RBFOX1: variants seen among roughly 807,000 people sequenced by gnomAD.
RBFOX1 encodes the protein RNA binding fox-1 homolog 1, also known as RNA binding protein fox-1 homolog 1.
In RBFOX1, 8 loss-of-function variants were observed where a neutral mutation model predicts 57.7. That is an observed-to-expected ratio of 0.14 (90% CI 0.08 to 0.25). RBFOX1 has a LOEUF of 0.25. Among genes scored for constraint, RBFOX1 ranks in the 10% least tolerant of loss-of-function variants. The probability of loss-of-function intolerance (pLI) is 1.00; values close to 1 mark genes in which losing one functional copy is unlikely to be tolerated. For synonymous variants in RBFOX1, 326 were observed against 222.4 expected, an observed-to-expected ratio of 1.47 and a Z score of -4.15; for missense variants, 611 against 548.5, an observed-to-expected ratio of 1.11 and a Z score of -1.14.
At chr16:6,238,103 A>G (rs562838586) in intron 1 of RBFOX1, among the ~76,000 whole-genome samples, 2 of 151,506 alleles carry the variant, frequency 1.3e-5, no homozygotes, top group African/African-American at 4.8e-5. Flanking sequence ...AAAAAAAAAA[A>G]AAAAAAAAGA....
intron 2 of RBFOX1, among the ~76,000 whole-genome samples, chr16:5,526,244 C>A (rs141461217): frequency 6.6e-6 from 1 of 152,056 alleles, no homozygotes; most frequent in East Asian, 1.9e-4. Flanking sequence ...TCTTTCATGC[C>A]CTGACAGCAA....
chr16:5,339,827 C>T (rs1221993607), intron 1 of RBFOX1, among the ~76,000 whole-genome samples: 2 of 151,950 alleles, frequency 1.3e-5, no homozygotes, highest in Non-Finnish European at 2.9e-5. Flanking sequence ...TTCTTGGGAG[C>T]CAGGTGGGAG....
At chr16:7,190,110 C>A (rs1159114287) in intron 4 of RBFOX1, among the ~76,000 whole-genome samples, 1 of 152,158 alleles carries the variant, frequency 6.6e-6, no homozygotes, top group Non-Finnish European at 1.5e-5. Context: ...CCTGTAATCC[C>A]AGAACTTTGG....
In RBFOX1 at chr16:6,935,782, C is replaced by T. The variant is rs536735518; in HGVS notation, c.-15-116275C>T. 2.5e-3 allele frequency among the ~76,000 whole-genome samples: 388 copies of T among 152,232 alleles called. 1 individual carries two copies. Among genetic ancestry groups the T allele is most frequent in the Non-Finnish European group, 4.5e-3 (308 of 68,014 alleles). ...AAGTGCTTTGTAGAGGCGAGGTGGA[C>T]TGTCAAGCACAGAGCATGCATGTCT... On this transcript the variant is annotated intron_variant, in intron 3 of 15. Coordinates refer to ENST00000550418, the MANE Select transcript of RBFOX1 (RefSeq NM_018723.4).
At chr16:5,527,323 A>G (rs2044286367) in intron 2 of RBFOX1, among the ~76,000 whole-genome samples, 1 of 152,200 alleles carries the variant, frequency 6.6e-6, no homozygotes. Flanking sequence ...ACCTGCAAGG[A>G]ACACTGGGAA....
At chr16:6,386,536 G>T (rs984502374) in intron 2 of RBFOX1, among the ~76,000 whole-genome samples, 1 of 152,058 alleles carries the variant, frequency 6.6e-6, no homozygotes, top group Admixed American at 6.5e-5. Flanking sequence ...GCTTATATTT[G>T]GTGGAAAGGA....
At chr16:6,759,212 A>G (rs199767290) in intron 3 of RBFOX1, among the ~76,000 whole-genome samples, 23 of 150,916 alleles carry the variant, frequency 1.5e-4, no homozygotes, top group East Asian at 5.9e-4. Flanking sequence ...GTGCAGTGGC[A>G]TAACCTTAGC....
intron 2 of RBFOX1, among the ~76,000 whole-genome samples, chr16:6,559,239 C>T (rs538884342): frequency 1.3e-5 from 2 of 151,860 alleles, no homozygotes; most frequent in East Asian, 3.9e-4. Flanking sequence ...TAAGTTGTGC[C>T]TTATAACCAA....
chr16:6,775,269 G>C (rs75672727), intron 3 of RBFOX1, among the ~76,000 whole-genome samples: 1 of 145,746 alleles, frequency 6.9e-6, no homozygotes, highest in South Asian at 2.2e-4. Flanking sequence ...GGCCGAGCTT[G>C]CAGTGAGCTG....
intron 3 of RBFOX1, among the ~76,000 whole-genome samples, chr16:6,803,786 G>A (rs1436696514): frequency 6.6e-6 from 1 of 152,010 alleles, no homozygotes; most frequent in East Asian, 1.9e-4. Context: ...CATAAGGAAT[G>A]TTCGTTAGAG....
chr16:5,750,248 C>T (rs59724762), intron 3 of RBFOX1, among the ~76,000 whole-genome samples: 8,080 of 152,236 alleles, frequency 0.053, 288 homozygotes, highest in Non-Finnish European at 0.074. Flanking sequence ...GAGGGGCACC[C>T]GACTGCATGA....
intron 4 of RBFOX1, among the ~76,000 whole-genome samples, chr16:5,962,922 C>G (rs2059778082): frequency 6.7e-6 from 1 of 150,236 alleles, no homozygotes; most frequent in Non-Finnish European, 1.5e-5. Context: ...GGACTCCAGA[C>G]AGAGATCCAA....
intron 2 of RBFOX1, among the ~76,000 whole-genome samples, chr16:6,333,732 G>T (rs891693158): frequency 1.3e-5 from 2 of 152,160 alleles, no homozygotes; most frequent in African/African-American, 4.8e-5. Context: ...ATTAGGAATT[G>T]GCTTTTAAAA....
intron 1 of RBFOX1, among the ~76,000 whole-genome samples, chr16:6,100,062 C>G (rs1161381654): frequency 6.6e-6 from 1 of 152,102 alleles, no homozygotes; most frequent in Non-Finnish European, 1.5e-5. Context: ...TATAAAATAG[C>G]AGAGTTGAAT....
chr16:5,948,153 G>C (rs1315056063), intron 4 of RBFOX1, among the ~76,000 whole-genome samples: 1 of 152,156 alleles, frequency 6.6e-6, no homozygotes, highest in Non-Finnish European at 1.5e-5. Flanking sequence ...TTTCCCTAAT[G>C]CTATATATAG....
At chr16:6,852,180 C>T (rs971863386) in intron 3 of RBFOX1, among the ~76,000 whole-genome samples, 30 of 152,068 alleles carry the variant, frequency 2.0e-4, no homozygotes, top group Non-Finnish European at 1.6e-4. Context: ...GGCCTGCAAC[C>T]AAGGTTTTGA....
intron 4 of RBFOX1, among the ~76,000 whole-genome samples, chr16:7,391,001 C>T (rs989675852): frequency 3.3e-5 from 5 of 152,048 alleles, no homozygotes; most frequent in Non-Finnish European, 7.4e-5. Flanking sequence ...TGGGGTCTTC[C>T]TTGCTGACCC....
chr16:6,505,651 T>C (rs1199653688), intron 2 of RBFOX1, among the ~76,000 whole-genome samples: 1 of 152,152 alleles, frequency 6.6e-6, no homozygotes, highest in Non-Finnish European at 1.5e-5. Context: ...CTCTACTCAT[T>C]TAAATGGACA....
chr16:7,006,677 G>T (rs555050578), intron 3 of RBFOX1, among the ~76,000 whole-genome samples: 15 of 152,184 alleles, frequency 9.9e-5, no homozygotes, highest in African/African-American at 3.6e-4. Flanking sequence ...TGAACTCCTG[G>T]ACTCAAGTGA....
Sources: gnomAD v4.1 joint callset for allele counts (sites outside exome capture counted in the v4.1 genomes callset) on GRCh38, gnomAD v4.1.1 for gene constraint, MANE v1.5 for transcripts, NCBI Gene and HGNC (gene_info 2026-07-23, HGNC 2026-07-21) for gene names.